Variants in KHDRBS2 observed in about 807,000 individuals in gnomAD.
The protein encoded by KHDRBS2 is KH RNA binding domain containing, signal transduction associated 2, also known as KH domain-containing, RNA-binding, signal transduction-associated protein 2.
In KHDRBS2, 26 loss-of-function variants were observed where a neutral mutation model predicts 44.3. The observed-to-expected ratio is 0.59, with a 90% CI of 0.43 to 0.81. KHDRBS2 has a LOEUF of 0.81. KHDRBS2 is among the 40% of genes least tolerant of loss of function. The pLI is 0.00. For synonymous variants in KHDRBS2, 194 were observed against 151.1 expected, an observed-to-expected ratio of 1.28 and a Z score of -2.08; for missense variants, 476 against 433.1, an observed-to-expected ratio of 1.10 and a Z score of -0.88.
the KHDRBS2 span, among the ~76,000 whole-genome samples, chr6:61,641,887 TATC>T: frequency 6.6e-6 from 1 of 152,206 alleles, no homozygotes; most frequent in African/African-American, 2.4e-5. Context: ...GATAAATTAT[TATC>T]ATTCAATTAG....
At chr6:61,713,936 A>G (rs1374860569) in intron 7 of KHDRBS2, among the ~76,000 whole-genome samples, 8 of 151,836 alleles carry the variant, frequency 5.3e-5, no homozygotes, top group South Asian at 4.1e-4. Context: ...GAAACTATAA[A>G]AGCACTAGAA....
chr6:62,088,456 C>A (rs1360668220), intron 2 of KHDRBS2, among the ~76,000 whole-genome samples: 3 of 152,138 alleles, frequency 2.0e-5, no homozygotes, highest in African/African-American at 7.2e-5. Context: ...ACAGTCAGGC[C>A]CTTCTTCTGC....
chr6:61,881,327 C>G (rs1174920714), intron 6 of KHDRBS2, among the ~76,000 whole-genome samples: 2 of 151,912 alleles, frequency 1.3e-5, no homozygotes. Context: ...AGTTACTCTC[C>G]TAACCTTAAT....
At chr6:62,218,521 T>C (rs769141586) in intron 1 of KHDRBS2, among the ~76,000 whole-genome samples, 5 of 151,648 alleles carry the variant, frequency 3.3e-5, no homozygotes, top group Non-Finnish European at 5.9e-5. Flanking sequence ...AGATATCAAA[T>C]ATGTATAAAG....
At chr6:61,631,227 A>G in the KHDRBS2 span, among the ~76,000 whole-genome samples, 1 of 143,566 alleles carries the variant, frequency 7.0e-6, no homozygotes, top group African/African-American at 2.5e-5. Context: ...AATGTTAGAT[A>G]TTGGAGCTAT....
intron 1 of KHDRBS2, among the ~76,000 whole-genome samples, chr6:62,252,195 G>A (rs1040764070): frequency 2.6e-5 from 4 of 151,700 alleles, no homozygotes; most frequent in Non-Finnish European, 5.9e-5. Context: ...AATATTATCA[G>A]TACTAGATTT....
intron 5 of KHDRBS2, among the ~76,000 whole-genome samples, chr6:61,897,984 A>G: frequency 6.6e-6 from 1 of 152,176 alleles, no homozygotes; most frequent in East Asian, 1.9e-4. Context: ...AAAATAAATT[A>G]TTATTACAAT....
intron 2 of KHDRBS2, among the ~76,000 whole-genome samples, chr6:62,149,567 A>C (rs1814652339): frequency 6.6e-6 from 1 of 152,092 alleles, no homozygotes; most frequent in Admixed American, 6.6e-5. Flanking sequence ...ACAAGTATTA[A>C]CCCACTGGTG....
At chr6:61,774,493 A>T (rs1233273466) in intron 6 of KHDRBS2, among the ~76,000 whole-genome samples, 1 of 152,134 alleles carries the variant, frequency 6.6e-6, no homozygotes, top group Non-Finnish European at 1.5e-5. Context: ...GCATTCTTAT[A>T]TACCAATAAC....
chr6:62,274,212 C>T (rs1236733508), intron 1 of KHDRBS2, among the ~76,000 whole-genome samples: 5 of 151,944 alleles, frequency 3.3e-5, no homozygotes, highest in Non-Finnish European at 7.4e-5. Context: ...TCTACTTTTC[C>T]CTGTCTATGA....
chr6:61,787,681 T>G (rs1232131797), intron 6 of KHDRBS2, among the ~76,000 whole-genome samples: 1 of 151,832 alleles, frequency 6.6e-6, no homozygotes, highest in East Asian at 1.9e-4. Context: ...TATCAAGGTC[T>G]TAACCTGTGT....
At chr6:62,063,250 A>G (rs1792521458) in intron 2 of KHDRBS2, among the ~76,000 whole-genome samples, 2 of 146,358 alleles carry the variant, frequency 1.4e-5, no homozygotes, top group South Asian at 4.5e-4. Flanking sequence ...ATCAATAGAA[A>G]AAGAGGGAAT....
intron 2 of KHDRBS2, among the ~76,000 whole-genome samples, chr6:62,058,410 G>T (rs1463118944): frequency 6.6e-6 from 1 of 151,868 alleles, no homozygotes; most frequent in African/African-American, 2.4e-5. Flanking sequence ...CTGATTTGGG[G>T]ATGAATCTCC....
chr6:62,167,073 A>G (rs888310832), intron 2 of KHDRBS2, among the ~76,000 whole-genome samples: 7 of 152,086 alleles, frequency 4.6e-5, no homozygotes. Context: ...AGCAGTCTTC[A>G]GTTTTCCAGT....
chr6:62,227,712 T>A (rs1563096587), intron 1 of KHDRBS2, among the ~76,000 whole-genome samples: 1 of 152,214 alleles, frequency 6.6e-6, no homozygotes, highest in Non-Finnish European at 1.5e-5. Flanking sequence ...ATAACTAGTT[T>A]ATTGAGAGTT....
chr6:61,891,996 A>G (rs1801930064), intron 6 of KHDRBS2, among the ~76,000 whole-genome samples: 1 of 152,222 alleles, frequency 6.6e-6, no homozygotes, highest in Non-Finnish European at 1.5e-5. Context: ...GTATATCTAG[A>G]AAACCCCATT....
At chr6:62,062,517 C>T (rs1247120734) in intron 2 of KHDRBS2, among the ~76,000 whole-genome samples, 3 of 151,906 alleles carry the variant, frequency 2.0e-5, no homozygotes, top group Admixed American at 1.3e-4. Context: ...ACAACCTGCT[C>T]CTGAATGACT....
intron 1 of KHDRBS2, among the ~76,000 whole-genome samples, chr6:62,281,491 G>C (rs560544204): frequency 4.3e-4 from 66 of 152,002 alleles, no homozygotes; most frequent in Admixed American, 1.0e-3. Context: ...GTGGTGGCAC[G>C]CACCTGTAAT....
intron 5 of KHDRBS2, among the ~76,000 whole-genome samples, chr6:61,900,425 A>T (rs180689454): frequency 4.4e-4 from 67 of 152,292 alleles, no homozygotes; most frequent in African/African-American, 1.5e-3. Context: ...TTATAACAAG[A>T]TGAAGAGAAT....
Sources: allele counts gnomAD v4.1 joint callset (sites outside exome capture counted in the v4.1 genomes callset), GRCh38; gene constraint gnomAD v4.1.1; transcripts MANE v1.5; gene names NCBI Gene and HGNC (gene_info 2026-07-23, HGNC 2026-07-21).